Variants in HHLA1 observed in about 807,000 individuals in gnomAD.
The protein encoded by HHLA1 is HERV-H LTR-associating protein 1.
In HHLA1, 72 loss-of-function variants were observed where a neutral mutation model predicts 69.9. The ratio of observed to expected loss-of-function variants is 1.03; its 90% CI spans 0.85 to 1.25. The LOEUF is 1.25. HHLA1 is among the 50% of genes most tolerant of loss of function. The pLI, the probability that HHLA1 is intolerant of heterozygous loss-of-function variation, is 0.00. For synonymous variants in HHLA1, 252 were observed against 233.2 expected, an observed-to-expected ratio of 1.08 and a Z score of -0.73; for missense variants, 685 against 642.2, an observed-to-expected ratio of 1.07 and a Z score of -0.72.
chr8:132,079,410 G>T (rs1024332462), intron 11 of HHLA1, among the ~76,000 whole-genome samples: 7 of 152,212 alleles, frequency 4.6e-5, no homozygotes, highest in African/African-American at 1.4e-4. Context: ...ATTGAAGGAG[G>T]CTGGGTGAAG....
intron 5 of HHLA1, among the ~76,000 whole-genome samples, chr8:132,096,752 G>A (rs953895821): frequency 6.6e-6 from 1 of 152,162 alleles, no homozygotes; most frequent in African/African-American, 2.4e-5. Context: ...AAATCAGATG[G>A]TGAAGAAAGG....
Position 132,071,390 on chromosome 8 carries a change from G to T in HHLA1, c.1419C>A (p.Phe473Leu). Residue 473 changes from phenylalanine to leucine, a missense_variant, in exon 15 of 17, where the codon TTC becomes TTA. Physicochemically the swap from Phe to Leu is conservative, Grantham distance 22. Transcript: ENST00000414222. ...TCTGGCTCATGCAGAGGCATTGCTG[G>T]AAGAATTGGCACAGCTCCATCAGGC... is the stretch of plus-strand genomic sequence containing the variant. ...NPCLMELCQF[F>L]QQCLCMSQRS... is the part of the protein sequence containing the mutation. The T allele has an allele frequency of 6.4e-7, 1 of 1,551,690 alleles. No individual in the cohort carries two copies. Among genetic ancestry groups the T allele is most frequent in the Non-Finnish European group, 8.7e-7 (1 of 1,146,962 alleles).
chr8:132,105,654 C>T (rs894289438), intron 1 of HHLA1, among the ~76,000 whole-genome samples: 9 of 152,210 alleles, frequency 5.9e-5, no homozygotes, highest in African/African-American at 9.6e-5. Context: ...TATGCACCAA[C>T]TCTTAAGTGC....
chr8:132,076,419 T>TACCCCCCCCCCC, intron 13 of HHLA1, 56 bp downstream of exon 13: 1 of 596,568 alleles, frequency 1.7e-6, no homozygotes, highest in Non-Finnish European at 3.1e-6. Context: ...TCCCCAAGCT[T>TACCCCCCCCCCC]CCCACCCCTC....
chr8:132,093,460 G>T (rs1462005087), intron 7 of HHLA1, among the ~76,000 whole-genome samples: 1 of 152,184 alleles, frequency 6.6e-6, no homozygotes, highest in Non-Finnish European at 1.5e-5. Context: ...AAATGATCCA[G>T]ATCTAAAGAT....
Position 132,104,056 on chromosome 8 carries a change from G to T in HHLA1, c.139+52C>A, listed in dbSNP as rs866985654. The T allele has an allele frequency of 9.1e-6, 12 of 1,311,854 alleles. No homozygotes were observed. The African/African-American group carries it at 1.3e-4, about 14-fold the overall frequency. 81.3% of individuals were successfully genotyped at this position (1,311,854 alleles called of 1,614,324 possible). A position where few individuals can be genotyped will look rare whatever the true frequency, so the allele number is the denominator to read the frequency against. ...AGAAAGTCAGGCTTGGGGAAGTCAA[G>T]GAATTTGCCCAAGAACAGTGAGCTG... On this transcript the variant is annotated intron_variant, in intron 3 of 16. Transcript: ENST00000414222.
intron 7 of HHLA1, among the ~76,000 whole-genome samples, chr8:132,093,007 T>C (rs1314525735): frequency 6.6e-6 from 1 of 152,240 alleles, no homozygotes; most frequent in Non-Finnish European, 1.5e-5. Flanking sequence ...TTCTACCTTC[T>C]TTAAACTAGG....
chr8:132,087,495 G>T (rs1004215261), intron 10 of HHLA1, among the ~76,000 whole-genome samples, 158 bp downstream of exon 10: 9 of 152,140 alleles, frequency 5.9e-5, no homozygotes, highest in Admixed American at 3.3e-4. Flanking sequence ...TTTTGCAAGA[G>T]AATCCAGAAA....
At chr8:132,076,439 A>G in intron 13 of HHLA1, 36 bp downstream of exon 13, 1 of 291,764 alleles carries the variant, frequency 3.4e-6, no homozygotes, top group Non-Finnish European at 5.9e-6. Context: ...CCCATCCCCC[A>G]CCCCCAAACC....
chr8:132,104,753 C>G (rs934928180), intron 2 of HHLA1, among the ~76,000 whole-genome samples: 1 of 151,974 alleles, frequency 6.6e-6, no homozygotes, highest in African/African-American at 2.4e-5. Flanking sequence ...CTGAAAAGGA[C>G]CTGGTACACT....
In HHLA1 at chr8:132,078,029, A is replaced by G. The variant is rs56681076; in HGVS notation, c.926-58T>C. The G allele has an allele frequency of 2.7e-3, 4,153 of 1,528,182 alleles. 92 individuals are homozygous for G. The African/African-American group carries it at 0.049, about 18-fold the overall frequency. 94.7% of individuals were successfully genotyped at this position (1,528,182 alleles called of 1,614,324 possible). ...GACATGCTTGACCACTTCGATTCAGACATGAAATTGCTGAGACATTGAAAC... is the reference window on the plus strand; with the variant it reads ...GACATGCTTGACCACTTCGATTCAGGCATGAAATTGCTGAGACATTGAAAC... On this transcript the variant is annotated intron_variant, in intron 11 of 16. Coordinates refer to ENST00000414222, the MANE Select transcript of HHLA1 (RefSeq NM_001145095.3).
chr8:132,065,263 T>C (rs1823414082), intron 16 of HHLA1, among the ~76,000 whole-genome samples: 1 of 152,232 alleles, frequency 6.6e-6, no homozygotes, highest in Admixed American at 6.5e-5. Flanking sequence ...GTTTGCATTT[T>C]TCCTTCAGTC....
rs535175784 is a variant in HHLA1, at chr8:132,100,822, G to C, written c.140-688C>G. ...CACTAGCCTGGTGTCAGGGGATGGA[G>C]AAGGCCTTCTTGTGGAAGTGACATT... On this transcript the variant is annotated intron_variant, in intron 3 of 16. Transcript: ENST00000414222. 2.0e-5 allele frequency among the ~76,000 whole-genome samples: 3 copies of C among 152,324 alleles called. No individual in the cohort carries two copies. The South Asian group carries it at 6.2e-4, about 32-fold the overall frequency.
rs79488493 is a variant in HHLA1, at chr8:132,066,362, C to T, written c.1470-394G>A. On this transcript the variant is annotated intron_variant, in intron 15 of 16. Transcript: ENST00000414222. The stretch of plus-strand genomic sequence containing the variant: ...AACAGTACCCAGCATACAAGAGGTG[C>T]TCAATACATGGTGACATTTGTCTGT... Among the ~76,000 whole-genome samples the T allele has an allele frequency of 4.8e-3, 736 of 152,142 alleles. 5 individuals carry two copies. The highest frequency in any genetic ancestry group is 0.03 in the East Asian group (156 of 5,188).
At chr8:132,099,978 C>T (rs1293608617) in intron 4 of HHLA1, 97 bp downstream of exon 4, 19 of 842,392 alleles carry the variant, frequency 2.3e-5, no homozygotes, top group South Asian at 8.9e-5. Flanking sequence ...AAAGAGATGA[C>T]GTTCTCGCCA....
At position 132,079,758 on chromosome 8, in the gene HHLA1, T is replaced by C. The variant is rs1823709000; in HGVS notation, c.885A>G (p.Thr295=). The change falls in exon 11 of 17, where the codon ACA becomes ACG. Residue 295 remains threonine (T), a synonymous_variant. Coordinates refer to ENST00000414222, the MANE Select transcript of HHLA1 (RefSeq NM_001145095.3). ...GRPPELPARA[T]ATWFSASHTL... ...TGTGGGAGGCACTGAACCATGTGGCTGTGGCCCTGGCTGGAAGCTCAGGAG... is the reference window on the plus strand; with the variant it reads ...TGTGGGAGGCACTGAACCATGTGGCCGTGGCCCTGGCTGGAAGCTCAGGAG... 6.4e-7 allele frequency: 1 copy of C among 1,551,548 alleles called. No individual in the cohort carries two copies. The highest frequency in any genetic ancestry group is 8.7e-7 in the Non-Finnish European group (1 of 1,146,916).
intron 5 of HHLA1, 56 bp from the exon 6 acceptor site, chr8:132,095,842 T>C (rs1037669042): frequency 9.5e-7 from 1 of 1,048,536 alleles, no homozygotes; most frequent in Non-Finnish European, 1.4e-6. Flanking sequence ...GTAACAATAA[T>C]ACAAATAAGT....
At chr8:132,083,370 G>T (rs62521322) in intron 10 of HHLA1, among the ~76,000 whole-genome samples, 82,734 of 149,928 alleles carry the variant, frequency 0.55, 23,381 homozygotes, top group South Asian at 0.69. Flanking sequence ...TGAAAAGAAG[G>T]TAATGTGGAG....
rs556438086 is a variant in HHLA1 at position 132,078,325 on chromosome 8, T to C, written c.926-354A>G. The stretch of plus-strand genomic sequence containing the variant: ...GACATAGTGAAAAGATTGTGGGGTC[T>C]GAGGTGAGGAGATGCAAACAGATTA... On this transcript the variant is annotated intron_variant, in intron 11 of 16. Transcript: ENST00000414222. 4.6e-5 allele frequency among the ~76,000 whole-genome samples: 7 copies of C among 152,254 alleles called. No homozygotes were observed. The South Asian group carries it at 1.5e-3, about 32-fold the overall frequency.
Sources: gnomAD v4.1 joint callset for allele counts (sites outside exome capture counted in the v4.1 genomes callset) on GRCh38, gnomAD v4.1.1 for gene constraint, MANE v1.5 for transcripts, NCBI Gene and HGNC (gene_info 2026-07-23, HGNC 2026-07-21) for gene names.